CSN1S1: variants seen among roughly 807,000 people sequenced by gnomAD.
CSN1S1 encodes the protein casein alpha s1, also known as alpha-S1-casein.
Under a neutral mutation model 49.1 loss-of-function variants are expected in CSN1S1, and 63 were observed. That is an observed-to-expected ratio of 1.28 (90% confidence interval 1.05 to 1.58). The LOEUF is 1.58. CSN1S1 is among the 40% of genes most tolerant of loss of function. CSN1S1 has a pLI of 0.00. For missense variants in CSN1S1, 260 were observed against 224.7 expected (o/e 1.16, Z -1.01); for synonymous variants, 78 against 67.1 (o/e 1.16, Z -0.79).
At chr4:69,942,817 C>T (rs1263494151) in intron 14 of CSN1S1, among the ~76,000 whole-genome samples, 1 of 151,794 alleles carries the variant, frequency 6.6e-6, no homozygotes, top group East Asian at 1.9e-4. Flanking sequence ...AATTTATTTC[C>T]TCCTCCAAAA....
Position 69,939,201 on chromosome 4 carries a change from C to T in CSN1S1, c.269C>T (p.Ser90Leu), listed in dbSNP as rs763113511. 2.5e-6 allele frequency: 4 copies of T among 1,595,902 alleles called. No individual in the cohort carries two copies. The highest frequency in any genetic ancestry group is 2.2e-5 in the South Asian group (2 of 89,218). ...PEKMESSISSSSEEMSLSKCA... is the reference protein window; with the variant it reads ...PEKMESSISSLSEEMSLSKCA... ...AAGATGGAATCCAGCATCAGTTCAT[C>T]GAGTGAGGTAAATAATTTTGATATT... is the stretch of plus-strand genomic sequence containing the variant. Residue 90 changes from serine (S) to leucine (L), a missense_variant, in exon 10 of 16, where the codon TCG becomes TTG. Transcript: ENST00000246891.
At chr4:69,939,142 AG>A in intron 9 of CSN1S1, 33 bp from the exon 10 acceptor site, 1 of 1,532,254 alleles carries the variant, frequency 6.5e-7, no homozygotes. Flanking sequence ...TAAAAATCCC[AG>A]GGGATAATTA....
chr4:69,932,596 T>C lies in CSN1S1; in HGVS notation c.41T>C (p.Leu14Pro), dbSNP rs1330746984. ...CTCACCTGTCTTGTGGCTGTTGCTCTTGCCAGGCCTGTAAGTTCAGTAGAG... is the reference window on the plus strand; with the variant it reads ...CTCACCTGTCTTGTGGCTGTTGCTCCTGCCAGGCCTGTAAGTTCAGTAGAG... ...LILTCLVAVA[L>P]ARPKLPLRYP... The change falls in exon 2 of 16, where the codon CTT becomes CCT. Residue 14 changes from leucine (L) to proline (P), a missense_variant. Coordinates refer to ENST00000246891, the MANE Select transcript of CSN1S1 (RefSeq NM_001890.2). 4 of 1,599,762 alleles carry C rather than the reference T, an allele frequency of 2.5e-6. No homozygotes were observed. The highest frequency in any genetic ancestry group is 1.3e-5 in the African/African-American group (1 of 74,706).
Position 69,946,228 on chromosome 4 carries a change from C to A in CSN1S1, c.*32C>A. ...TGAAAATTTCATTCTCTGAATTTCT[C>A]CTCTCAAGGAAAACCATCTTATCTG... On this transcript the variant is annotated 3_prime_UTR_variant, in exon 16 of 16. Transcript: ENST00000246891. 1.9e-6 allele frequency: 1 copy of A among 529,710 alleles called. No individual in the cohort carries two copies. The highest frequency in any genetic ancestry group is 3.4e-5 in the Admixed American group (1 of 29,772). The allele number at this position is 529,710 out of a possible 1,614,324, so 32.8% of individuals were successfully genotyped here. A position where few individuals can be genotyped will look rare whatever the true frequency, so the allele number is the denominator to read the frequency against.
intron 13 of CSN1S1, 113 bp downstream of exon 13, chr4:69,942,176 C>A (rs1722990747): frequency 1.6e-6 from 1 of 634,920 alleles, no homozygotes; most frequent in Non-Finnish European, 2.6e-6. Context: ...GTTCTACCAA[C>A]ACTATCTGAT....
In CSN1S1 at chr4:69,932,600, C is replaced by A. The variant is rs1254208809; in HGVS notation, c.45C>A (p.Ala15=). The A allele has an allele frequency of 1.9e-6, 3 of 1,598,326 alleles. No individual in the cohort carries two copies. The South Asian group carries it at 3.4e-5, about 18-fold the overall frequency. The change falls in exon 2 of 16, where the codon GCC becomes GCA. Residue 15 remains alanine, a synonymous_variant. Coordinates refer to ENST00000246891, the MANE Select transcript of CSN1S1 (RefSeq NM_001890.2). ...ILTCLVAVAL[A]RPKLPLRYPE... is the part of the protein sequence containing the mutation. ...CCTGTCTTGTGGCTGTTGCTCTTGC[C>A]AGGCCTGTAAGTTCAGTAGAGAATT...
chr4:69,944,774 A>G, intron 14 of CSN1S1, 76 bp from the exon 15 acceptor site: 1 of 1,405,296 alleles, frequency 7.1e-7, no homozygotes, highest in Non-Finnish European at 9.9e-7. Context: ...AATGAATGAG[A>G]TGTATTGATA....
intron 15 of CSN1S1, among the ~76,000 whole-genome samples, chr4:69,945,661 G>T (rs1723137428): frequency 6.6e-6 from 1 of 151,778 alleles, no homozygotes; most frequent in Non-Finnish European, 1.5e-5. Context: ...AATTCTCAAG[G>T]AACTCCACAG....
At chr4:69,931,932 ATGT>A (rs1267668794) in intron 1 of CSN1S1, among the ~76,000 whole-genome samples, 6 of 151,924 alleles carry the variant, frequency 3.9e-5, no homozygotes, top group Non-Finnish European at 7.4e-5. Context: ...TTATATATTT[ATGT>A]CATGAATATT....
At chr4:69,934,668 T>C in intron 3 of CSN1S1, 22 bp from the exon 4 acceptor site, 2 of 1,601,394 alleles carry the variant, frequency 1.2e-6, no homozygotes, top group Non-Finnish European at 1.7e-6. Context: ...TAATACCATT[T>C]AAAAATTATT....
chr4:69,935,514 C>G (rs1722748040), intron 4 of CSN1S1, among the ~76,000 whole-genome samples: 1 of 152,014 alleles, frequency 6.6e-6, no homozygotes, highest in Non-Finnish European at 1.5e-5. Context: ...AGCACAAGGG[C>G]AACAGAGCAA....
chr4:69,945,294 T>C (rs1011501797), intron 15 of CSN1S1, among the ~76,000 whole-genome samples: 4 of 152,066 alleles, frequency 2.6e-5, no homozygotes, highest in African/African-American at 9.7e-5. Context: ...TAAAGACTTC[T>C]GACATGTAAT....
At chr4:69,935,250 T>A (rs1370526537) in intron 4 of CSN1S1, among the ~76,000 whole-genome samples, 2 of 151,912 alleles carry the variant, frequency 1.3e-5, no homozygotes, top group African/African-American at 4.8e-5. Context: ...TATAAAAATG[T>A]TTTTTTCACT....
chr4:69,937,993 G>A (rs1476470932), intron 9 of CSN1S1, among the ~76,000 whole-genome samples, 170 bp downstream of exon 9: 1 of 151,752 alleles, frequency 6.6e-6, no homozygotes, highest in Admixed American at 6.6e-5. Context: ...TTAACTTATT[G>A]AACTTCTCAA....
chr4:69,938,145 AT>A (rs1292525757), intron 9 of CSN1S1, among the ~76,000 whole-genome samples: 1 of 151,778 alleles, frequency 6.6e-6, no homozygotes, highest in African/African-American at 2.4e-5. Context: ...AGGTGCATGG[AT>A]GTTTAAAATG....
At position 69,946,246 on chromosome 4, in the gene CSN1S1, C is replaced by G; in HGVS notation, c.*50C>G. 1 of 497,580 alleles carries G rather than the reference C, an allele frequency of 2.0e-6. No homozygotes were observed. The highest frequency in any genetic ancestry group is 3.7e-6 in the Non-Finnish European group (1 of 269,128). 30.8% of individuals were successfully genotyped at this position (497,580 alleles called of 1,614,324 possible). On this transcript the variant is annotated 3_prime_UTR_variant, in exon 16 of 16. Transcript: ENST00000246891. The stretch of plus-strand genomic sequence containing the variant: ...AATTTCTCCTCTCAAGGAAAACCAT[C>G]TTATCTGAAGACTGGACTGTTGTTT...
rs1274960888 is a variant in CSN1S1, at chr4:69,939,174, A to G, written c.244-2A>G. The G allele has an allele frequency of 1.2e-5, 19 of 1,598,426 alleles. No homozygotes were observed. The highest frequency in any genetic ancestry group is 1.5e-5 in the Non-Finnish European group (17 of 1,168,858). ...AATTAACACTAGATTTCTTTCTTTT[A>G]GAAGATGGAATCCAGCATCAGTTCA... On this transcript the variant is annotated splice_acceptor_variant, in intron 9 of 15. Transcript: ENST00000246891. LOFTEE classifies it high-confidence loss of function.
intron 10 of CSN1S1, among the ~76,000 whole-genome samples, chr4:69,939,420 C>A: frequency 6.6e-6 from 1 of 151,698 alleles, no homozygotes; most frequent in Non-Finnish European, 1.5e-5. Context: ...TCTGGGCAAA[C>A]AATCTTATCT....
chr4:69,945,153 T>C, intron 15 of CSN1S1, 149 bp downstream of exon 15: 1 of 835,010 alleles, frequency 1.2e-6, no homozygotes, highest in South Asian at 1.8e-5. Flanking sequence ...AATGGAAAAT[T>C]GATAATATTT....
Sources: allele counts gnomAD v4.1 joint callset (sites outside exome capture counted in the v4.1 genomes callset), GRCh38; gene constraint gnomAD v4.1.1; transcripts MANE v1.5; gene names NCBI Gene and HGNC (gene_info 2026-07-23, HGNC 2026-07-21).